Variants in DHX35 observed in about 807,000 individuals in gnomAD.
The protein encoded by DHX35 is DEAH-box helicase 35.
Under a neutral mutation model 99.6 loss-of-function variants are expected in DHX35, and 84 were observed. The observed-to-expected ratio is 0.84, with a 90% CI of 0.71 to 1.01. The LOEUF (loss-of-function observed/expected upper bound fraction) is 1.01, where lower values mean the gene tolerates loss of function less well. Ranked by LOEUF, DHX35 falls within the 50% of genes least tolerant of loss-of-function variation. The pLI is 0.00. For missense variants in DHX35, 852 were observed against 888.5 expected, an observed-to-expected ratio of 0.96 and a Z score of 0.52; for synonymous variants, 331 against 316.2, an observed-to-expected ratio of 1.05 and a Z score of -0.50.
At chr20:38,988,724 AAT>A in intron 4 of DHX35, 87 bp from the exon 5 acceptor site, 1 of 1,558,104 alleles carries the variant, frequency 6.4e-7, no homozygotes. Context: ...TACTATTTAA[AAT>A]ATAAATGACC....
At chr20:38,994,751 T>C in intron 7 of DHX35, 70 bp from the exon 8 acceptor site, 1 of 1,328,254 alleles carries the variant, frequency 7.5e-7, no homozygotes, top group Non-Finnish European at 1.1e-6. Context: ...GAAATACATT[T>C]CAGATATCAA....
intron 8 of DHX35, 96 bp from the exon 9 acceptor site, chr20:39,001,634 C>G: frequency 2.2e-6 from 2 of 890,768 alleles, no homozygotes; most frequent in Non-Finnish European, 3.5e-6. Flanking sequence ...TGCTACTCAC[C>G]TGTCTTTGGC....
chr20:38,974,804 G>A (rs1906292813), intron 3 of DHX35, among the ~76,000 whole-genome samples: 2 of 152,148 alleles, frequency 1.3e-5, no homozygotes, highest in Non-Finnish European at 2.9e-5. Flanking sequence ...AATGACAGAG[G>A]AACCAGCAGA....
intron 1 of DHX35, among the ~76,000 whole-genome samples, chr20:38,968,648 A>G (rs949265788): frequency 6.6e-6 from 1 of 152,148 alleles, no homozygotes; most frequent in African/African-American, 2.4e-5. Flanking sequence ...CCTGGATTCA[A>G]GCAATTCTCC....
chr20:38,981,084 A>C (rs2145854492), intron 3 of DHX35, among the ~76,000 whole-genome samples: 1 of 152,392 alleles, frequency 6.6e-6, no homozygotes, highest in Admixed American at 6.5e-5. Flanking sequence ...TCAAGGGTTC[A>C]TAATGTTGAT....
intron 12 of DHX35, 56 bp from the exon 13 acceptor site, chr20:39,010,224 T>C: frequency 6.2e-7 from 1 of 1,613,426 alleles, no homozygotes; most frequent in Admixed American, 1.7e-5. Flanking sequence ...CTTGGCATAG[T>C]GATTGCATTT....
intron 4 of DHX35, among the ~76,000 whole-genome samples, chr20:38,985,281 C>T (rs950951143): frequency 6.7e-6 from 1 of 148,434 alleles, no homozygotes; most frequent in Admixed American, 6.9e-5. Context: ...CCAGCTACTT[C>T]GGAGGCTGAG....
chr20:39,009,605 TCC>T (rs146116601), intron 12 of DHX35, among the ~76,000 whole-genome samples: 20,932 of 152,020 alleles, frequency 0.14, 1,584 homozygotes, highest in East Asian at 0.29. Context: ...TCCTCTTTTT[TCC>T]CCACCCTTCC....
chr20:38,970,794 A>G (rs1223579999), intron 2 of DHX35, among the ~76,000 whole-genome samples: 2 of 152,000 alleles, frequency 1.3e-5, no homozygotes, highest in Non-Finnish European at 2.9e-5. Flanking sequence ...TTTCTTGACT[A>G]TTCTTTGTCT....
intron 8 of DHX35, among the ~76,000 whole-genome samples, chr20:38,997,521 A>G (rs1216432164): frequency 6.6e-6 from 1 of 152,170 alleles, no homozygotes; most frequent in East Asian, 1.9e-4. Context: ...AAGCGGGAAG[A>G]CAGCATGTAG....
At chr20:38,962,665 G>A in intron 1 of DHX35, 1 of 517,334 alleles carries the variant, frequency 1.9e-6, no homozygotes, top group East Asian at 3.3e-5. Context: ...CGTCTTCCTC[G>A]TTACTGATGC....
At chr20:39,000,908 G>T (rs1033053229) in intron 8 of DHX35, among the ~76,000 whole-genome samples, 1 of 152,140 alleles carries the variant, frequency 6.6e-6, no homozygotes, top group Non-Finnish European at 1.5e-5. Context: ...TTGCCTGCCT[G>T]CATGGTCACT....
At chr20:38,962,460 G>C in intron 1 of DHX35, 53 bp downstream of exon 1, 1 of 1,592,404 alleles carries the variant, frequency 6.3e-7, no homozygotes, top group Non-Finnish European at 8.5e-7. Context: ...CTTCGGTCTT[G>C]GCGCCGCGGC....
In DHX35 at chr20:38,976,451, TA is replaced by T. The variant is rs905426818; in HGVS notation, c.267+3809del. 1.9e-3 allele frequency among the ~76,000 whole-genome samples: 290 copies of T among 150,432 alleles called. 1 individual carries two copies. Among genetic ancestry groups the T allele is most frequent in the Non-Finnish European group, 3.3e-3 (224 of 67,634 alleles). ...TTTTTTTTTACTTATTCTTTCATTT[TA>T]AAAAAAAACTGTTTTGAATTGACAC... On this transcript the variant is annotated intron_variant, in intron 3 of 21. Transcript: ENST00000252011.
intron 8 of DHX35, among the ~76,000 whole-genome samples, chr20:38,999,848 G>A (rs1022911752): frequency 1.3e-5 from 2 of 152,206 alleles, no homozygotes; most frequent in Non-Finnish European, 2.9e-5. Context: ...CACTGCCCTT[G>A]TCTTGCCCAT....
At chr20:38,973,585 A>G (rs1171810785) in intron 3 of DHX35, among the ~76,000 whole-genome samples, 1 of 152,232 alleles carries the variant, frequency 6.6e-6, no homozygotes, top group African/African-American at 2.4e-5. Context: ...TAAAGGAATA[A>G]TATAGCTGCT....
intron 1 of DHX35, chr20:38,962,624 C>G (rs1430253422): frequency 2.0e-5 from 12 of 591,504 alleles, no homozygotes; most frequent in Admixed American, 3.1e-5. Flanking sequence ...TCTTTGTGAC[C>G]TTGTTAAAGT....
intron 1 of DHX35, 116 bp downstream of exon 1, chr20:38,962,523 G>T: frequency 7.5e-7 from 1 of 1,325,110 alleles, no homozygotes. Flanking sequence ...GGCGAGCTGG[G>T]CGCTGCCGCC....
At chr20:38,992,294 T>C (rs2086351636) in intron 6 of DHX35, 62 bp from the exon 7 acceptor site, 2 of 1,395,912 alleles carry the variant, frequency 1.4e-6, no homozygotes, top group South Asian at 1.2e-5. Flanking sequence ...TCTTTGATGG[T>C]CTAGATGAGA....
Sources: allele counts gnomAD v4.1 joint callset (sites outside exome capture counted in the v4.1 genomes callset), GRCh38; gene constraint gnomAD v4.1.1; transcripts MANE v1.5; gene names NCBI Gene and HGNC (gene_info 2026-07-23, HGNC 2026-07-21).